The following CPNE4 variants were observed in gnomAD, a reference collection of about 807,000 sequenced individuals.
CPNE4 encodes copine 4.
CPNE4 carries 25 observed loss-of-function variants against 67.9 expected under a neutral mutation model. The observed-to-expected ratio is 0.37, with a 90% CI of 0.27 to 0.51. The LOEUF (loss-of-function observed/expected upper bound fraction) is 0.51. Among genes scored for constraint, CPNE4 ranks in the 20% least tolerant of loss-of-function variants. CPNE4 has a pLI of 0.93. For synonymous variants in CPNE4, 242 were observed against 244.9 expected (o/e 0.99, Z 0.11); for missense variants, 464 against 690.8 (o/e 0.67, Z 3.68).
intron 1 of CPNE4, among the ~76,000 whole-genome samples, chr3:131,905,867 C>T (rs1158510222): frequency 6.6e-6 from 1 of 152,154 alleles, no homozygotes; most frequent in African/African-American, 2.4e-5. Flanking sequence ...AACTCAACTC[C>T]TATGTGATGG....
chr3:132,023,479 CTTTTTTTT>C (rs575505348), intron 1 of CPNE4, among the ~76,000 whole-genome samples: 2 of 84,594 alleles, frequency 2.4e-5, no homozygotes, highest in African/African-American at 5.2e-5. Flanking sequence ...GCAGATCAGC[CTTTTTTTT>C]TTTTTTTTTT....
chr3:131,551,428 G>T (rs1468505204), intron 13 of CPNE4, among the ~76,000 whole-genome samples: 1 of 152,110 alleles, frequency 6.6e-6, no homozygotes, highest in Non-Finnish European at 1.5e-5. Context: ...AATTCTAAGA[G>T]TATAAAACAG....
chr3:131,727,573 C>G (rs1427891543), intron 2 of CPNE4, among the ~76,000 whole-genome samples: 1 of 152,156 alleles, frequency 6.6e-6, no homozygotes, highest in African/African-American at 2.4e-5. Context: ...AAAAAAACAG[C>G]ATTATTGAGG....
intron 2 of CPNE4, among the ~76,000 whole-genome samples, chr3:131,875,221 T>C (rs888869740): frequency 4.7e-5 from 7 of 148,754 alleles, no homozygotes; most frequent in Non-Finnish European, 9.0e-5. Flanking sequence ...CATTATCACT[T>C]AAAAAAAAAA....
At chr3:131,718,309 T>C (rs2081789441) in intron 3 of CPNE4, among the ~76,000 whole-genome samples, 1 of 152,124 alleles carries the variant, frequency 6.6e-6, no homozygotes, top group African/African-American at 2.4e-5. Context: ...AATATACACA[T>C]CCAATCTTGT....
chr3:131,776,169 C>T (rs2083285248), intron 2 of CPNE4, among the ~76,000 whole-genome samples: 1 of 152,086 alleles, frequency 6.6e-6, no homozygotes, highest in Non-Finnish European at 1.5e-5. Flanking sequence ...ACGAGTTTTC[C>T]AGTAAGCCTC....
At chr3:131,928,527 C>T (rs1474349661) in intron 1 of CPNE4, among the ~76,000 whole-genome samples, 3 of 152,138 alleles carry the variant, frequency 2.0e-5, no homozygotes, top group Non-Finnish European at 2.9e-5. Context: ...CTGTTACAAA[C>T]AGGAACCTGA....
At chr3:131,882,112 G>T (rs1238311650) in intron 2 of CPNE4, among the ~76,000 whole-genome samples, 1 of 150,596 alleles carries the variant, frequency 6.6e-6, no homozygotes, top group African/African-American at 2.5e-5. Flanking sequence ...ACCTAGAGAT[G>T]CTTCAATTCA....
intron 2 of CPNE4, among the ~76,000 whole-genome samples, chr3:131,792,796 A>C (rs2083807526): frequency 6.9e-6 from 1 of 143,946 alleles, no homozygotes. Flanking sequence ...ATATGTATAT[A>C]TTGTATATAT....
At chr3:132,011,588 GA>G (rs1229107704) in intron 1 of CPNE4, among the ~76,000 whole-genome samples, 3 of 152,156 alleles carry the variant, frequency 2.0e-5, no homozygotes, top group Non-Finnish European at 4.4e-5. Flanking sequence ...CATCATTTAA[GA>G]AAGCAAAGTC....
chr3:131,820,105 T>A (rs931686174), intron 2 of CPNE4, among the ~76,000 whole-genome samples: 1 of 152,198 alleles, frequency 6.6e-6, no homozygotes, highest in Non-Finnish European at 1.5e-5. Flanking sequence ...AGAATTTTCC[T>A]AAAACAATCC....
At chr3:131,605,026 C>T (rs918185545) in intron 7 of CPNE4, among the ~76,000 whole-genome samples, 8 of 152,160 alleles carry the variant, frequency 5.3e-5, no homozygotes, top group African/African-American at 1.7e-4. Flanking sequence ...AAGTACATCT[C>T]ATTTAATCCT....
chr3:132,031,825 G>A (rs536193167), intron 1 of CPNE4, among the ~76,000 whole-genome samples: 1 of 152,006 alleles, frequency 6.6e-6, no homozygotes. Flanking sequence ...GTCTGTGATT[G>A]TTTCTTATAG....
chr3:131,775,242 T>C (rs1028294126), intron 2 of CPNE4, among the ~76,000 whole-genome samples: 1 of 152,156 alleles, frequency 6.6e-6, no homozygotes, highest in African/African-American at 2.4e-5. Context: ...TATGAGGCAG[T>C]AGAATTTGAA....
chr3:131,872,181 C>CGT (rs138869759), intron 2 of CPNE4, among the ~76,000 whole-genome samples: 11,519 of 150,308 alleles, frequency 0.077, 567 homozygotes, highest in East Asian at 0.17. Context: ...CATGTGTGTG[C>CGT]GTGTGTGTGT....
At chr3:131,573,673 C>T (rs945851695) in intron 10 of CPNE4, among the ~76,000 whole-genome samples, 1 of 152,034 alleles carries the variant, frequency 6.6e-6, no homozygotes, top group African/African-American at 2.4e-5. Flanking sequence ...AAACTATTTC[C>T]AGTAGCTCTC....
chr3:131,683,559 C>T lies in CPNE4; in HGVS notation c.591+2316G>A, dbSNP rs767843769. ...CTCCTCAAGTGGGAGGGAGGAGTGT[C>T]TCCTGGAGCCGTGTGCTGCACTGCT... On this transcript the variant is annotated intron_variant, in intron 6 of 15. Transcript: ENST00000429747. Among the ~76,000 whole-genome samples the T allele has an allele frequency of 8.0e-4, 121 of 152,198 alleles. 1 individual carries two copies. The highest frequency in any genetic ancestry group is 6.8e-3 in the Middle Eastern group (2 of 294).
intron 6 of CPNE4, among the ~76,000 whole-genome samples, chr3:131,681,766 T>C (rs2080763435): frequency 6.6e-6 from 1 of 152,146 alleles, no homozygotes; most frequent in African/African-American, 2.4e-5. Flanking sequence ...CTCTTAGATT[T>C]GTCCTTTTGA....
intron 2 of CPNE4, among the ~76,000 whole-genome samples, chr3:131,840,929 C>T (rs1411765243): frequency 6.6e-6 from 1 of 152,122 alleles, no homozygotes; most frequent in East Asian, 1.9e-4. Flanking sequence ...CTGCTCTCTC[C>T]CTCCTGCCTG....
Sources: allele counts gnomAD v4.1 joint callset (sites outside exome capture counted in the v4.1 genomes callset), GRCh38; gene constraint gnomAD v4.1.1; transcripts MANE v1.5; gene names NCBI Gene and HGNC (gene_info 2026-07-23, HGNC 2026-07-21).